Variants in DCC observed in about 807,000 individuals in gnomAD.
DCC encodes the protein netrin receptor DCC.
DCC carries 58 observed loss-of-function variants against 172.5 expected under a neutral mutation model. That is an observed-to-expected ratio of 0.34 (90% CI 0.27 to 0.42). The LOEUF is 0.42. Among genes scored for constraint, DCC ranks in the 10% least tolerant of loss-of-function variants. DCC has a pLI of 1.00. For synonymous variants in DCC, 709 were observed against 644.5 expected (o/e 1.10, Z -1.52); for missense variants, 1,740 against 1,791.0 (o/e 0.97, Z 0.51).
chr18:52,620,664 A>G (rs1161388116), intron 1 of DCC, among the ~76,000 whole-genome samples: 4 of 144,002 alleles, frequency 2.8e-5, no homozygotes, highest in African/African-American at 9.9e-5. Flanking sequence ...AGCAAATGTA[A>G]ATTGGAGTCA....
chr18:52,516,105 G>C (rs2031632251), intron 1 of DCC, among the ~76,000 whole-genome samples: 1 of 152,076 alleles, frequency 6.6e-6, no homozygotes, highest in Non-Finnish European at 1.5e-5. Flanking sequence ...AAATGCTTGT[G>C]AGGGTAAGGA....
At chr18:52,427,348 AT>A (rs545501050) in intron 1 of DCC, among the ~76,000 whole-genome samples, 36 of 152,168 alleles carry the variant, frequency 2.4e-4, no homozygotes, top group Non-Finnish European at 4.4e-4. Flanking sequence ...TGTTAACTCT[AT>A]GATCACTTTT....
intron 8 of DCC, among the ~76,000 whole-genome samples, chr18:53,178,309 G>C (rs2055139959): frequency 6.6e-6 from 1 of 152,186 alleles, no homozygotes; most frequent in Non-Finnish European, 1.5e-5. Flanking sequence ...CAACACTGAG[G>C]AAGTTTTTAG....
chr18:52,581,945 G>T (rs537087935), intron 1 of DCC, among the ~76,000 whole-genome samples: 14 of 152,200 alleles, frequency 9.2e-5, no homozygotes, highest in African/African-American at 3.4e-4. Context: ...GTTAACATAC[G>T]CTAGAAAACA....
At chr18:52,992,788 CAACATGG>C (rs2041414570) in intron 5 of DCC, among the ~76,000 whole-genome samples, 1 of 151,992 alleles carries the variant, frequency 6.6e-6, no homozygotes, top group African/African-American at 2.4e-5. Context: ...CCACCCTGGC[CAACATGG>C]CGAAATCACA....
At chr18:53,279,800 T>G (rs1394572772) in intron 12 of DCC, among the ~76,000 whole-genome samples, 1 of 152,052 alleles carries the variant, frequency 6.6e-6, no homozygotes, top group Non-Finnish European at 1.5e-5. Context: ...TGGATGGAGC[T>G]GGAAGCCAAA....
chr18:53,079,005 A>G (rs1422533774), intron 7 of DCC, among the ~76,000 whole-genome samples: 1 of 152,170 alleles, frequency 6.6e-6, no homozygotes, highest in Non-Finnish European at 1.5e-5. Flanking sequence ...GTTCTGGCAG[A>G]CATCGCCTGA....
intron 1 of DCC, among the ~76,000 whole-genome samples, chr18:52,492,497 A>G (rs937108337): frequency 2.6e-5 from 4 of 151,822 alleles, no homozygotes; most frequent in African/African-American, 9.7e-5. Flanking sequence ...GAGACAGGAG[A>G]AAGAAGAAGG....
At chr18:53,371,776 A>G (rs1202945033) in intron 15 of DCC, among the ~76,000 whole-genome samples, 1 of 152,042 alleles carries the variant, frequency 6.6e-6, no homozygotes, top group Non-Finnish European at 1.5e-5. Flanking sequence ...ATTTACAAGA[A>G]AAAAAGCCCA....
intron 2 of DCC, among the ~76,000 whole-genome samples, chr18:52,834,363 G>A (rs1016404893): frequency 6.6e-6 from 1 of 152,212 alleles, no homozygotes; most frequent in African/African-American, 2.4e-5. Context: ...CCTTAGCATT[G>A]TTTGGGAACT....
intron 5 of DCC, among the ~76,000 whole-genome samples, chr18:53,057,928 T>G (rs976062672): frequency 1.4e-4 from 22 of 152,114 alleles, no homozygotes; most frequent in African/African-American, 5.3e-4. Flanking sequence ...ATATAATAAG[T>G]AGTGTAAAAG....
rs549583656 is a variant in DCC, at chr18:52,500,486, T to C, written c.91+159608T>C. Among the ~76,000 whole-genome samples the C allele has an allele frequency of 2.6e-5, 4 of 152,310 alleles. No individual in the cohort carries two copies. In the South Asian group the frequency reaches 6.2e-4, roughly 24 times the overall value. On this transcript the variant is annotated intron_variant, in intron 1 of 28. Coordinates refer to ENST00000442544, the MANE Select transcript of DCC (RefSeq NM_005215.4). ...AGTGAAAAAGAAACAATTAGAACCA[T>C]TGTAATACTTGTTGCAGGGAATGCC...
chr18:52,544,747 T>C (rs1397424662), intron 1 of DCC, among the ~76,000 whole-genome samples: 6 of 152,202 alleles, frequency 3.9e-5, no homozygotes, highest in African/African-American at 9.7e-5. Flanking sequence ...GATAGATGGA[T>C]TGATAGATTG....
intron 1 of DCC, among the ~76,000 whole-genome samples, chr18:52,499,451 T>C (rs1270187432): frequency 1.3e-5 from 2 of 152,152 alleles, no homozygotes; most frequent in African/African-American, 4.8e-5. Flanking sequence ...CACTTAGAAG[T>C]GGCAGCCTTA....
At chr18:52,571,925 G>A (rs575279209) in intron 1 of DCC, among the ~76,000 whole-genome samples, 24 of 152,242 alleles carry the variant, frequency 1.6e-4, no homozygotes, top group African/African-American at 4.3e-4. Context: ...AGTGGCATGC[G>A]CTGAGTTTGC....
intron 7 of DCC, among the ~76,000 whole-genome samples, chr18:53,121,712 T>C (rs2144290065): frequency 6.6e-6 from 1 of 152,014 alleles, no homozygotes; most frequent in Non-Finnish European, 1.5e-5. Flanking sequence ...TGCTTGACAC[T>C]GTGGTTAATA....
At chr18:52,880,764 C>T (rs149460908) in intron 2 of DCC, among the ~76,000 whole-genome samples, 1 of 152,134 alleles carries the variant, frequency 6.6e-6, no homozygotes, top group Non-Finnish European at 1.5e-5. Flanking sequence ...TTCATCTGTT[C>T]TTGGACACTC....
At chr18:53,155,177 A>T (rs2054710398) in intron 7 of DCC, among the ~76,000 whole-genome samples, 1 of 152,088 alleles carries the variant, frequency 6.6e-6, no homozygotes, top group South Asian at 2.1e-4. Context: ...TGTTTCTGGA[A>T]CCATTAGAAA....
chr18:52,717,095 G>T (rs77425490), intron 1 of DCC, among the ~76,000 whole-genome samples: 2 of 152,108 alleles, frequency 1.3e-5, no homozygotes, highest in Non-Finnish European at 2.9e-5. Flanking sequence ...AGAACTGACC[G>T]CAAGAGGGCT....
Sources: gnomAD v4.1 joint callset for allele counts (sites outside exome capture counted in the v4.1 genomes callset) on GRCh38, gnomAD v4.1.1 for gene constraint, MANE v1.5 for transcripts, NCBI Gene and HGNC (gene_info 2026-07-23, HGNC 2026-07-21) for gene names.